Variants in DCC observed in about 807,000 individuals in gnomAD.
The protein encoded by DCC is DCC netrin 1 receptor.
In DCC, 58 loss-of-function variants were observed where a neutral mutation model predicts 172.5. The ratio of observed to expected loss-of-function variants is 0.34; its 90% CI spans 0.27 to 0.42. The LOEUF (loss-of-function observed/expected upper bound fraction) is 0.42, where lower values mean the gene tolerates loss of function less well. Ranked by LOEUF, DCC falls within the 10% of genes least tolerant of loss-of-function variation. The probability of loss-of-function intolerance (pLI) is 1.00; values close to 1 mark genes in which losing one functional copy is unlikely to be tolerated. For missense variants in DCC, 1,740 were observed against 1,791.0 expected (o/e 0.97, Z 0.51); for synonymous variants, 709 against 644.5 (o/e 1.10, Z -1.52).
chr18:53,331,391 T>C (rs2057528407), intron 14 of DCC, among the ~76,000 whole-genome samples: 1 of 152,296 alleles, frequency 6.6e-6, no homozygotes, highest in South Asian at 2.1e-4. Context: ...CCATGGAGAT[T>C]ATTCAGTGTA....
chr18:52,398,301 C>T (rs755121087), intron 1 of DCC, among the ~76,000 whole-genome samples: 1 of 151,890 alleles, frequency 6.6e-6, no homozygotes, highest in Admixed American at 6.6e-5. Flanking sequence ...CCTAATACAC[C>T]TACACATCTT....
In DCC at chr18:53,499,342, C is replaced by CCATCT. The variant is rs1292327792; in HGVS notation, c.3946_3950dup (p.Gln1317HisfsTer40). On this transcript the variant is annotated frameshift_variant, in exon 27 of 29. Coordinates refer to ENST00000442544, the MANE Select transcript of DCC (RefSeq NM_005215.4). LOFTEE classifies it high-confidence loss of function. ...TACCCAACAACCACCTATGCTGCCCCCATCTCAGCCTGAGCATTCTAGCAG... is the reference window on the plus strand; with the variant it reads ...TACCCAACAACCACCTATGCTGCCCCCATCTCATCTCAGCCTGAGCATTCTAGCAG... 1 of 1,613,938 alleles carries CCATCT rather than the reference C, an allele frequency of 6.2e-7. No individual in the cohort carries two copies. Among genetic ancestry groups the CCATCT allele is most frequent in the Admixed American group, 1.7e-5 (1 of 59,972 alleles).
chr18:52,886,570 GAC>G (rs2039572691), intron 2 of DCC, among the ~76,000 whole-genome samples: 1 of 152,174 alleles, frequency 6.6e-6, no homozygotes, highest in Non-Finnish European at 1.5e-5. Flanking sequence ...ACTTGCCTAA[GAC>G]AAGGTCCCAT....
At chr18:53,392,895 A>G (rs1908654162) in intron 17 of DCC, among the ~76,000 whole-genome samples, 1 of 152,224 alleles carries the variant, frequency 6.6e-6, no homozygotes, top group South Asian at 2.1e-4. Flanking sequence ...AAACTTCACA[A>G]GATACTGATT....
intron 1 of DCC, among the ~76,000 whole-genome samples, chr18:52,695,032 G>A (rs2035990131): frequency 6.6e-6 from 1 of 152,124 alleles, no homozygotes; most frequent in Non-Finnish European, 1.5e-5. Flanking sequence ...CAGATTTTAT[G>A]TGGGAGGAAA....
chr18:53,530,733 C>A lies in DCC; in HGVS notation c.*80C>A. 1 of 813,996 alleles carries A rather than the reference C, an allele frequency of 1.2e-6. No individual in the cohort carries two copies. The allele number at this position is 813,996 out of a possible 1,614,324, so 50.4% of individuals were successfully genotyped here. On this transcript the variant is annotated 3_prime_UTR_variant, in exon 29 of 29. Transcript: ENST00000442544. ...TTACCCATAAACAGCACACCTGTGT[C>A]CAAGAACTCTAACCAGTGTACAGGT...
chr18:52,492,737 C>T (rs942296417), intron 1 of DCC, among the ~76,000 whole-genome samples: 8 of 152,052 alleles, frequency 5.3e-5, no homozygotes, highest in Non-Finnish European at 1.2e-4. Flanking sequence ...TGTGATTTTT[C>T]TCCAGAAATG....
chr18:52,834,602 A>ATGTGTGCCTTCTACACCAAATATTT (rs1173747354), intron 2 of DCC, among the ~76,000 whole-genome samples: 2 of 152,184 alleles, frequency 1.3e-5, no homozygotes, highest in African/African-American at 4.8e-5. Context: ...ACACAAGCTA[A>ATGTGTGCCTTCTACACCAAATATTT]TGTGTGCCTT....
rs1482468714 is a variant in DCC, at chr18:52,859,835, A to C, written c.413-46209A>C. 2.6e-5 allele frequency among the ~76,000 whole-genome samples: 4 copies of C among 152,158 alleles called. No individual in the cohort carries two copies. In the East Asian group the frequency reaches 7.7e-4, roughly 29 times the overall value. On this transcript the variant is annotated intron_variant, in intron 2 of 28. Coordinates refer to ENST00000442544, the MANE Select transcript of DCC (RefSeq NM_005215.4). ...AGTTCCTACTTTGAAACTTCAAAAA[A>C]TTACATACATAAAAAGGCAAATTGG...
chr18:53,361,967 C>T (rs1321208096), intron 15 of DCC, among the ~76,000 whole-genome samples: 8 of 151,984 alleles, frequency 5.3e-5, no homozygotes, highest in Non-Finnish European at 1.0e-4. Context: ...AAGTATTGGA[C>T]AAAACAGTAC....
intron 1 of DCC, among the ~76,000 whole-genome samples, chr18:52,393,914 T>C (rs8094822): frequency 0.78 from 118,286 of 151,962 alleles, 46,276 homozygotes; most frequent in Middle Eastern, 0.83. Flanking sequence ...CCATGATTTT[T>C]GCAATTTTGT....
chr18:53,224,263 GCA>G (rs1445816615), intron 12 of DCC, among the ~76,000 whole-genome samples: 4 of 152,156 alleles, frequency 2.6e-5, no homozygotes, highest in Non-Finnish European at 5.9e-5. Flanking sequence ...TCAGCTTTGT[GCA>G]CACTCAGAGT....
chr18:52,641,315 A>T (rs558010294), intron 1 of DCC, among the ~76,000 whole-genome samples: 2 of 152,352 alleles, frequency 1.3e-5, no homozygotes, highest in East Asian at 3.9e-4. Context: ...CAAGGATTTC[A>T]TAACCAAGAA....
intron 12 of DCC, among the ~76,000 whole-genome samples, chr18:53,250,572 C>T: frequency 6.6e-6 from 1 of 151,786 alleles, no homozygotes; most frequent in Non-Finnish European, 1.5e-5. Context: ...CCCCTTTCTT[C>T]CACAGGCTTC....
chr18:52,633,445 T>G (rs1020755604), intron 1 of DCC, among the ~76,000 whole-genome samples: 1 of 152,186 alleles, frequency 6.6e-6, no homozygotes, highest in Non-Finnish European at 1.5e-5. Context: ...AGTTGTCACC[T>G]TACCTCTGCC....
chr18:53,320,842 A>G (rs1365550601), intron 13 of DCC, among the ~76,000 whole-genome samples: 2 of 152,198 alleles, frequency 1.3e-5, no homozygotes, highest in Non-Finnish European at 2.9e-5. Context: ...AAGAGCACCA[A>G]TGATAGTCTC....
intron 2 of DCC, among the ~76,000 whole-genome samples, chr18:52,794,260 C>G (rs1184326660): frequency 2.6e-5 from 4 of 152,098 alleles, no homozygotes; most frequent in African/African-American, 9.6e-5. Flanking sequence ...GGAAGGATGG[C>G]TATTTTAAAA....
At chr18:52,613,076 G>C (rs1452449172) in intron 1 of DCC, among the ~76,000 whole-genome samples, 1 of 152,186 alleles carries the variant, frequency 6.6e-6, no homozygotes, top group Admixed American at 6.5e-5. Flanking sequence ...CATGCTGGCT[G>C]CCATATCTCT....
At chr18:53,342,760 C>T (rs1313306676) in intron 15 of DCC, among the ~76,000 whole-genome samples, 5 of 125,996 alleles carry the variant, frequency 4.0e-5, no homozygotes, top group Non-Finnish European at 8.9e-5. Flanking sequence ...GATATAAATA[C>T]ATATATATTT....
Sources: allele counts gnomAD v4.1 joint callset (sites outside exome capture counted in the v4.1 genomes callset), GRCh38; gene constraint gnomAD v4.1.1; transcripts MANE v1.5; gene names NCBI Gene and HGNC (gene_info 2026-07-23, HGNC 2026-07-21).